The following PDLIM5 variants were observed in gnomAD, a reference collection of about 807,000 sequenced individuals.
PDLIM5 encodes PDZ and LIM domain 5.
In PDLIM5, 34 loss-of-function variants were observed where a neutral mutation model predicts 64.2. That is an observed-to-expected ratio of 0.53 (90% CI 0.40 to 0.71). The LOEUF is 0.71. PDLIM5 is among the 30% of genes least tolerant of loss of function. The pLI, the probability that PDLIM5 is intolerant of heterozygous loss-of-function variation, is 0.00. For missense variants in PDLIM5, 683 were observed against 733.6 expected (o/e 0.93, Z 0.80); for synonymous variants, 253 against 269.1 (o/e 0.94, Z 0.59).
At chr4:94,594,930 A>G (rs917795018) in intron 7 of PDLIM5, among the ~76,000 whole-genome samples, 1 of 152,160 alleles carries the variant, frequency 6.6e-6, no homozygotes, top group African/African-American at 2.4e-5. Context: ...TGAGACAGTA[A>G]TTTATGAGGA....
chr4:94,567,139 CCCG>C (rs1734405319), intron 3 of PDLIM5, among the ~76,000 whole-genome samples: 2 of 152,150 alleles, frequency 1.3e-5, no homozygotes, highest in South Asian at 4.2e-4. Context: ...ACTACAGGCG[CCCG>C]CCACCACACC....
chr4:94,619,699 GTAGCACAATCA>G (rs1739072118), intron 8 of PDLIM5, among the ~76,000 whole-genome samples: 1 of 152,050 alleles, frequency 6.6e-6, no homozygotes, highest in Non-Finnish European at 1.5e-5. Context: ...CTGAAGTGCA[GTAGCACAATCA>G]TAGCTCACTG....
At chr4:94,484,954 A>T (rs935256666) in intron 2 of PDLIM5, among the ~76,000 whole-genome samples, 1 of 152,112 alleles carries the variant, frequency 6.6e-6, no homozygotes, top group African/African-American at 2.4e-5. Context: ...ATTGGACAAT[A>T]AGTTGTCATG....
intron 2 of PDLIM5, among the ~76,000 whole-genome samples, chr4:94,491,359 A>G (rs1175157696): frequency 6.6e-6 from 1 of 152,138 alleles, no homozygotes; most frequent in Non-Finnish European, 1.5e-5. Flanking sequence ...AGTTAACATT[A>G]TCATATTATA....
intron 3 of PDLIM5, among the ~76,000 whole-genome samples, chr4:94,564,266 A>C (rs1215497818): frequency 6.6e-6 from 1 of 152,000 alleles, no homozygotes; most frequent in East Asian, 1.9e-4. Flanking sequence ...CCGGCCTTAG[A>C]AATACTTTTC....
chr4:94,560,170 G>A (rs1394884730), intron 3 of PDLIM5, among the ~76,000 whole-genome samples: 1 of 152,158 alleles, frequency 6.6e-6, no homozygotes, highest in East Asian at 1.9e-4. Flanking sequence ...ATTCAGTGAA[G>A]GGCCTGGGGG....
intron 3 of PDLIM5, among the ~76,000 whole-genome samples, chr4:94,565,381 G>A (rs945158531): frequency 2.6e-5 from 4 of 152,182 alleles, no homozygotes; most frequent in African/African-American, 4.8e-5. Flanking sequence ...AGGAACCATC[G>A]TAGTTATTTC....
chr4:94,585,861 A>G (rs1205048569), intron 6 of PDLIM5, 124 bp downstream of exon 6: 3 of 688,396 alleles, frequency 4.4e-6, no homozygotes, highest in East Asian at 5.4e-5. Flanking sequence ...TATGCTGTGC[A>G]TAACATGGGT....
intron 9 of PDLIM5, among the ~76,000 whole-genome samples, chr4:94,651,046 G>A (rs1741806727): frequency 6.6e-6 from 1 of 152,108 alleles, no homozygotes; most frequent in Admixed American, 6.5e-5. Flanking sequence ...GTTCACAAAT[G>A]GAAACCCAAT....
intron 3 of PDLIM5, among the ~76,000 whole-genome samples, chr4:94,554,752 A>C (rs995097978): frequency 7.0e-6 from 1 of 143,430 alleles, no homozygotes; most frequent in Admixed American, 7.2e-5. Context: ...GTATATAACA[A>C]AATACCTTTG....
chr4:94,493,939 A>G (rs150164585), intron 2 of PDLIM5, among the ~76,000 whole-genome samples: 24 of 152,186 alleles, frequency 1.6e-4, no homozygotes, highest in Admixed American at 3.9e-4. Context: ...CCTCTAATAC[A>G]TGTTCCTCCT....
chr4:94,538,171 A>G (rs539704866), intron 3 of PDLIM5, among the ~76,000 whole-genome samples: 2 of 152,258 alleles, frequency 1.3e-5, no homozygotes, highest in South Asian at 4.1e-4. Context: ...GTATTACCTC[A>G]TTCGTTTCCT....
intron 3 of PDLIM5, among the ~76,000 whole-genome samples, chr4:94,540,340 G>T (rs549293717): frequency 6.6e-6 from 1 of 152,092 alleles, no homozygotes; most frequent in Non-Finnish European, 1.5e-5. Flanking sequence ...GGATGGTCTC[G>T]ATCTCCTGAC....
chr4:94,508,037 G>A (rs1438426444), intron 2 of PDLIM5, among the ~76,000 whole-genome samples: 1 of 152,094 alleles, frequency 6.6e-6, no homozygotes, highest in African/African-American at 2.4e-5. Context: ...AGGAACACAT[G>A]GTCCACCACT....
rs1026253346 is a variant in PDLIM5, at chr4:94,560,045, A to G, written c.249-13306A>G. On this transcript the variant is annotated intron_variant, in intron 3 of 12. Coordinates refer to ENST00000317968, the MANE Select transcript of PDLIM5 (RefSeq NM_006457.5). Reference sequence around the variant, plus strand: ...ATCTATGTGGACTCCATTGCCAATCATTGTGGTGGTTTAGAAGCATCCAAG... The same window carrying G: ...ATCTATGTGGACTCCATTGCCAATCGTTGTGGTGGTTTAGAAGCATCCAAG... Among the ~76,000 whole-genome samples, 15 of 152,246 alleles carry G rather than the reference A, an allele frequency of 9.9e-5. No homozygotes were observed. The East Asian group carries it at 2.9e-3, about 29-fold the overall frequency.
intron 2 of PDLIM5, among the ~76,000 whole-genome samples, chr4:94,523,200 G>A (rs1291732002): frequency 6.6e-6 from 1 of 152,174 alleles, no homozygotes; most frequent in African/African-American, 2.4e-5. Flanking sequence ...TTTGGGCTTG[G>A]AATCTGAAAG....
intron 5 of PDLIM5, among the ~76,000 whole-genome samples, chr4:94,585,299 C>T (rs1000237571): frequency 6.6e-6 from 1 of 151,986 alleles, no homozygotes; most frequent in Admixed American, 6.6e-5. Context: ...ACTGTGTTAG[C>T]CAGGATGGTC....
intron 7 of PDLIM5, among the ~76,000 whole-genome samples, chr4:94,594,026 G>T (rs747998881): frequency 6.6e-6 from 1 of 150,964 alleles, no homozygotes; most frequent in Non-Finnish European, 1.5e-5. Context: ...CTAATTTTAG[G>T]GAAGTTGTTT....
At chr4:94,511,266 A>C (rs1158728056) in intron 2 of PDLIM5, among the ~76,000 whole-genome samples, 3 of 152,244 alleles carry the variant, frequency 2.0e-5, no homozygotes, top group African/African-American at 7.2e-5. Flanking sequence ...TCTGGCTAGC[A>C]ACCTAGTATC....
Sources: gnomAD v4.1 joint callset for allele counts (sites outside exome capture counted in the v4.1 genomes callset) on GRCh38, gnomAD v4.1.1 for gene constraint, MANE v1.5 for transcripts, NCBI Gene and HGNC (gene_info 2026-07-23, HGNC 2026-07-21) for gene names.